SMU1: variants seen among roughly 807,000 people sequenced by gnomAD.
SMU1 encodes the protein WD40 repeat-containing protein SMU1.
A neutral mutation model predicts 62.0 loss-of-function variants in SMU1; 2 were observed. That is an observed-to-expected ratio of 0.03 (90% CI 0.01 to 0.10). The LOEUF (loss-of-function observed/expected upper bound fraction) is 0.10. SMU1 is among the 10% of genes least tolerant of loss of function. The pLI is 1.00. For missense variants in SMU1, 227 were observed against 622.1 expected, an observed-to-expected ratio of 0.36 and a Z score of 6.76; for synonymous variants, 188 against 212.4, an observed-to-expected ratio of 0.89 and a Z score of 1.00.
At chr9:33,054,279 G>A (rs766789903) in intron 9 of SMU1, among the ~76,000 whole-genome samples, 24 of 151,488 alleles carry the variant, frequency 1.6e-4, no homozygotes, top group Non-Finnish European at 2.6e-4. Context: ...TCAGCCTTCT[G>A]AGTACGGGAC....
intron 3 of SMU1, among the ~76,000 whole-genome samples, chr9:33,070,772 G>A (rs1473789607): frequency 6.6e-6 from 1 of 152,132 alleles, no homozygotes; most frequent in East Asian, 1.9e-4. Flanking sequence ...AAATAAGCCA[G>A]GCACAGAAAG....
At chr9:33,062,416 T>C (rs567600861) in intron 4 of SMU1, among the ~76,000 whole-genome samples, 1 of 152,266 alleles carries the variant, frequency 6.6e-6, no homozygotes, top group East Asian at 1.9e-4. Context: ...TCCACCTATT[T>C]TCTTACAGGA....
At position 33,047,026 on chromosome 9, in the gene SMU1, A is replaced by G; in HGVS notation, c.*267T>C. 3.5e-6 allele frequency: 1 copy of G among 285,548 alleles called. No individual in the cohort carries two copies. The highest frequency in any genetic ancestry group is 6.4e-6 in the Non-Finnish European group (1 of 155,254). 17.7% of individuals were successfully genotyped at this position (285,548 alleles called of 1,614,324 possible). A position where few individuals can be genotyped will look rare whatever the true frequency, so the allele number is the denominator to read the frequency against. ...AGAGGAGTAGAATTTTTTTCTAGAA[A>G]TATCAGTATTTCACTCTCCAGGTCG... On this transcript the variant is annotated 3_prime_UTR_variant, in exon 12 of 12. Transcript: ENST00000397149.
intron 4 of SMU1, among the ~76,000 whole-genome samples, chr9:33,066,897 G>T (rs1037837135): frequency 2.6e-5 from 4 of 151,914 alleles, no homozygotes; most frequent in African/African-American, 9.7e-5. Flanking sequence ...GAGAAGTCCT[G>T]GTACAGTAAC....
rs904279879 is a variant in SMU1, at chr9:33,044,276, C to G, written c.*3017G>C. 3 of 152,534 alleles carry G rather than the reference C, an allele frequency of 2.0e-5. No individual in the cohort carries two copies. The highest frequency in any genetic ancestry group is 2.9e-5 in the Non-Finnish European group (2 of 68,118). 9.4% of individuals were successfully genotyped at this position (152,534 alleles called of 1,614,324 possible). ...CAGCCAACTCCCGTTCGCGCAGCCG[C>G]TGCCACCGGCCCTTAAGACGATGTG... On this transcript the variant is annotated 3_prime_UTR_variant, in exon 12 of 12. Coordinates refer to ENST00000397149, the MANE Select transcript of SMU1 (RefSeq NM_018225.3).
chr9:33,076,575 G>C lies in SMU1; in HGVS notation c.26+8C>G. 3.1e-6 allele frequency: 5 copies of C among 1,613,806 alleles called. No individual in the cohort carries two copies. The highest frequency in any genetic ancestry group is 4.2e-6 in the Non-Finnish European group (5 of 1,180,034). On this transcript the variant is annotated splice_region_variant and intron_variant, in intron 1 of 11. Coordinates refer to ENST00000397149, the MANE Select transcript of SMU1 (RefSeq NM_018225.3). ...GCAAGGCGCGAACATCCCCACCGCAGGACTCACTCCGAAGATTCGATTTCG... is the reference window on the plus strand; with the variant it reads ...GCAAGGCGCGAACATCCCCACCGCACGACTCACTCCGAAGATTCGATTTCG...
At chr9:33,076,551 C>T in intron 1 of SMU1, 32 bp downstream of exon 1, 4 of 1,613,290 alleles carry the variant, frequency 2.5e-6, no homozygotes, top group Non-Finnish European at 3.4e-6. Context: ...AGGCCCCCGG[C>T]AAGGCGCGAA....
intron 6 of SMU1, among the ~76,000 whole-genome samples, chr9:33,059,864 A>G: frequency 6.6e-6 from 1 of 151,890 alleles, no homozygotes; most frequent in East Asian, 2.0e-4. Context: ...CACCCGCCTC[A>G]GCCTCCTAAA....
chr9:33,045,313 G>A lies in SMU1; in HGVS notation c.*1980C>T, dbSNP rs1038437401. On this transcript the variant is annotated 3_prime_UTR_variant, in exon 12 of 12. Transcript: ENST00000397149. ...ACTGGGATGACTGTCTACATGCTCA[G>A]GAATCCTGAATTCATGACTATGTTC... 3.3e-5 allele frequency: 5 copies of A among 152,174 alleles called. No homozygotes were observed. The highest frequency in any genetic ancestry group is 1.2e-4 in the African/African-American group (5 of 41,422). 9.4% of individuals were successfully genotyped at this position (152,174 alleles called of 1,614,324 possible). A position where few individuals can be genotyped will look rare whatever the true frequency, so the allele number is the denominator to read the frequency against.
chr9:33,048,376 G>A (rs1189277415), intron 10 of SMU1, 118 bp from the exon 11 acceptor site: 21 of 1,255,822 alleles, frequency 1.7e-5, no homozygotes, highest in Non-Finnish European at 2.2e-5. Flanking sequence ...ACTATCATTT[G>A]TAATTAGATC....
At chr9:33,068,803 C>G in intron 4 of SMU1, 21 bp downstream of exon 4, 1 of 1,612,684 alleles carries the variant, frequency 6.2e-7, no homozygotes, top group African/African-American at 1.3e-5. Flanking sequence ...CCACACCTGG[C>G]CTCTACAGGA....
intron 8 of SMU1, 44 bp from the exon 9 acceptor site, chr9:33,056,283 T>G (rs1839302943): frequency 6.4e-7 from 1 of 1,570,790 alleles, no homozygotes. Flanking sequence ...ATATTTAATA[T>G]CTTATGGTTG....
intron 4 of SMU1, 51 bp from the exon 5 acceptor site, chr9:33,062,228 T>C (rs775675741): frequency 1.9e-6 from 3 of 1,561,784 alleles, no homozygotes; most frequent in South Asian, 1.2e-5. Context: ...TTTTAAGATC[T>C]GGTCATAAGT....
At chr9:33,061,613 T>G (rs976435108) in intron 5 of SMU1, among the ~76,000 whole-genome samples, 1 of 152,160 alleles carries the variant, frequency 6.6e-6, no homozygotes, top group East Asian at 1.9e-4. Context: ...AACCACACCA[T>G]AGGAAGATAA....
intron 3 of SMU1, among the ~76,000 whole-genome samples, chr9:33,070,834 G>C (rs1839477493): frequency 6.6e-6 from 1 of 152,144 alleles, no homozygotes; most frequent in South Asian, 2.1e-4. Flanking sequence ...TTAAAACATG[G>C]AGATAGAGAG....
intron 6 of SMU1, among the ~76,000 whole-genome samples, chr9:33,059,403 T>G (rs928130460): frequency 2.0e-5 from 3 of 151,706 alleles, no homozygotes; most frequent in Non-Finnish European, 4.4e-5. Context: ...TTTTGTTTTT[T>G]TGAACTTTGT....
intron 10 of SMU1, among the ~76,000 whole-genome samples, chr9:33,052,868 GAC>G (rs1259968264): frequency 6.6e-6 from 1 of 152,212 alleles, no homozygotes; most frequent in Non-Finnish European, 1.5e-5. Flanking sequence ...GAGGCTTAAA[GAC>G]AGATAGGAGC....
intron 3 of SMU1, among the ~76,000 whole-genome samples, chr9:33,071,302 T>A (rs573834239): frequency 1.3e-5 from 2 of 152,084 alleles, no homozygotes; most frequent in Non-Finnish European, 2.9e-5. Context: ...TAAAAGACTA[T>A]CATCATGCTC....
At chr9:33,071,961 G>A in intron 2 of SMU1, 69 bp from the exon 3 acceptor site, 2 of 1,426,306 alleles carry the variant, frequency 1.4e-6, no homozygotes, top group South Asian at 1.5e-5. Context: ...ATATTTTTCG[G>A]TAAAATATCT....
Sources: gnomAD v4.1 joint callset for allele counts (sites outside exome capture counted in the v4.1 genomes callset) on GRCh38, gnomAD v4.1.1 for gene constraint, MANE v1.5 for transcripts, NCBI Gene and HGNC (gene_info 2026-07-23, HGNC 2026-07-21) for gene names.